The following FBXL13 variants were observed in gnomAD, a reference collection of about 807,000 sequenced individuals.
The protein encoded by FBXL13 is F-box and leucine rich repeat protein 13, also known as F-box and leucine-rich repeat protein 13.
Under a neutral mutation model 83.6 loss-of-function variants are expected in FBXL13, and 67 were observed. The ratio of observed to expected loss-of-function variants is 0.80; its 90% CI spans 0.66 to 0.98. The LOEUF is 0.98. FBXL13 is among the 50% of genes least tolerant of loss of function. FBXL13 has a pLI of 0.00. For synonymous variants in FBXL13, 272 were observed against 299.5 expected (o/e 0.91, Z 0.95); for missense variants, 822 against 866.5 (o/e 0.95, Z 0.64).
chr7:102,995,522 C>A (rs951298844), intron 6 of FBXL13, among the ~76,000 whole-genome samples: 2 of 146,686 alleles, frequency 1.4e-5, no homozygotes, highest in African/African-American at 5.1e-5. Context: ...GGCACAGTGG[C>A]TCACGCCTGT....
chr7:102,860,865 CA>C (rs779572414), intron 16 of FBXL13, among the ~76,000 whole-genome samples: 77 of 151,936 alleles, frequency 5.1e-4, no homozygotes, highest in Non-Finnish European at 1.0e-3. Context: ...ATAAATTCAC[CA>C]ATTATAAACA....
intron 1 of FBXL13, among the ~76,000 whole-genome samples, chr7:103,057,842 A>G (rs574178917): frequency 3.3e-5 from 5 of 152,286 alleles, no homozygotes; most frequent in Non-Finnish European, 7.4e-5. Context: ...GGAATTCTCC[A>G]TCGGCATTTC....
At position 102,889,460 on chromosome 7, in the gene FBXL13, G is replaced by A. The variant is rs141680342; in HGVS notation, c.1009-5148C>T. ...AAGTTCTAGGGTACATGTGCACAAC[G>A]TGCAGGTTTGTTAAATAGGTATACA... On this transcript the variant is annotated intron_variant, in intron 11 of 19. Coordinates refer to ENST00000313221, the Ensembl canonical transcript of FBXL13. 1.1e-3 allele frequency among the ~76,000 whole-genome samples: 169 copies of A among 152,110 alleles called. 1 individual carries two copies. Among genetic ancestry groups the A allele is most frequent in the African/African-American group, 4.0e-3 (165 of 41,486 alleles).
chr7:103,034,277 G>A (rs1014409479), intron 2 of FBXL13, among the ~76,000 whole-genome samples: 5 of 152,192 alleles, frequency 3.3e-5, no homozygotes, highest in Admixed American at 6.5e-5. Context: ...ATGGGACTGC[G>A]CACCGTGGAG....
chr7:103,071,201 A>G (rs892758148), intron 1 of FBXL13, among the ~76,000 whole-genome samples: 1 of 152,014 alleles, frequency 6.6e-6, no homozygotes, highest in Admixed American at 6.6e-5. Context: ...GGCATGTAGA[A>G]CAAGGTAAAG....
intron 10 of FBXL13, among the ~76,000 whole-genome samples, chr7:102,920,473 C>G (rs909219088): frequency 4.6e-5 from 7 of 152,224 alleles, no homozygotes; most frequent in African/African-American, 4.8e-5. Flanking sequence ...CCTCAGCCTC[C>G]TGAGTAGCTG....
At chr7:102,877,417 T>C in intron 16 of FBXL13, 50 bp downstream of exon 17, 2 of 1,372,674 alleles carry the variant, frequency 1.5e-6, no homozygotes, top group Non-Finnish European at 2.0e-6. Context: ...AGCAAATAAT[T>C]GTATTATAGA....
chr7:103,045,608 A>C (rs1344105485), intron 2 of FBXL13, among the ~76,000 whole-genome samples: 2 of 152,230 alleles, frequency 1.3e-5, no homozygotes, highest in Non-Finnish European at 1.5e-5. Context: ...TACAGGAGAA[A>C]AACAAAACCT....
chr7:103,061,939 A>G (rs1053203317), intron 1 of FBXL13, among the ~76,000 whole-genome samples: 18 of 146,902 alleles, frequency 1.2e-4, no homozygotes, highest in African/African-American at 1.7e-4. Flanking sequence ...CTGCGTCTCA[A>G]AAAAAAAAAA....
At chr7:102,973,595 G>T (rs1377720015) in intron 6 of FBXL13, 2 of 765,816 alleles carry the variant, frequency 2.6e-6, no homozygotes, top group African/African-American at 1.7e-5. Flanking sequence ...TCAAGAGTTT[G>T]AACGGATACA....
rs368111755 is a variant in FBXL13, at chr7:102,963,614, T to C, written c.643A>G (p.Thr215Ala). 72 of 1,612,306 alleles carry C rather than the reference T, an allele frequency of 4.5e-5. No homozygotes were observed. The highest frequency in any genetic ancestry group is 6.7e-5 in the Admixed American group (4 of 59,640). ...ACATTTAAACGCCACCTTTGCAAAG[T>C]AGACACTATATATTTATCTGGAATC... The change falls in exon 8 of 20, where the codon ACT (threonine) becomes GCT (alanine). Residue 215 changes from threonine (T) to alanine (A), a missense_variant. Thr to Ala is a moderately conservative substitution (Grantham distance 58). Coordinates refer to ENST00000313221, the Ensembl canonical transcript of FBXL13.
At chr7:102,904,942 T>C (rs1343547609) in intron 11 of FBXL13, among the ~76,000 whole-genome samples, 2 of 152,216 alleles carry the variant, frequency 1.3e-5, no homozygotes, top group Admixed American at 1.3e-4. Flanking sequence ...TTGCTATTAA[T>C]TTCTAGTTTT....
At chr7:103,067,222 T>C (rs1420432950) in intron 1 of FBXL13, among the ~76,000 whole-genome samples, 2 of 152,170 alleles carry the variant, frequency 1.3e-5, no homozygotes, top group African/African-American at 4.8e-5. Context: ...TAATGTTCAG[T>C]TGCTCAGGGG....
At chr7:102,961,949 CCAAAAG>C (rs1209677714) in intron 8 of FBXL13, among the ~76,000 whole-genome samples, 1 of 149,252 alleles carries the variant, frequency 6.7e-6, no homozygotes, top group Non-Finnish European at 1.5e-5. Context: ...TTCTAAAACA[CCAAAAG>C]CAATGGCAAC....
chr7:103,030,904 A>C (rs1451496432), intron 2 of FBXL13, among the ~76,000 whole-genome samples: 6 of 151,914 alleles, frequency 3.9e-5, no homozygotes, highest in Non-Finnish European at 7.4e-5. Flanking sequence ...TCTCTTCATA[A>C]ATTTTTATTT....
intron 7 of FBXL13, among the ~76,000 whole-genome samples, chr7:102,965,853 T>C (rs1825916312): frequency 6.6e-6 from 1 of 152,234 alleles, no homozygotes; most frequent in South Asian, 2.1e-4. Flanking sequence ...ATTTTCCGTG[T>C]TGTCTAAAGT....
intron 5 of FBXL13, among the ~76,000 whole-genome samples, chr7:103,026,083 C>T (rs981171002): frequency 6.6e-5 from 10 of 151,862 alleles, no homozygotes; most frequent in Non-Finnish European, 1.3e-4. Flanking sequence ...CAAAACATTA[C>T]GCTCAGCATA....
intron 6 of FBXL13, among the ~76,000 whole-genome samples, chr7:102,983,418 T>C (rs1360129565): frequency 1.4e-4 from 19 of 136,966 alleles, no homozygotes; most frequent in African/African-American, 4.0e-4. Flanking sequence ...TTTTCTTTTT[T>C]CCCCTTTTTT....
At chr7:102,887,803 C>A (rs140471067) in intron 11 of FBXL13, among the ~76,000 whole-genome samples, 1 of 152,272 alleles carries the variant, frequency 6.6e-6, no homozygotes, top group African/African-American at 2.4e-5. Flanking sequence ...TTTGACCAAA[C>A]AACTAGGCAC....
Sources: allele counts gnomAD v4.1 joint callset (sites outside exome capture counted in the v4.1 genomes callset), GRCh38; gene constraint gnomAD v4.1.1; transcripts MANE v1.5; gene names NCBI Gene and HGNC (gene_info 2026-07-23, HGNC 2026-07-21).